The following DOCK5 variants were observed in gnomAD, a reference collection of about 807,000 sequenced individuals.
DOCK5 encodes the protein dedicator of cytokinesis protein 5.
Under a neutral mutation model 251.8 loss-of-function variants are expected in DOCK5, and 142 were observed. The ratio of observed to expected loss-of-function variants is 0.56; its 90% CI spans 0.49 to 0.65. The LOEUF (loss-of-function observed/expected upper bound fraction) is 0.65. DOCK5 is among the 30% of genes least tolerant of loss of function. The pLI, the probability that DOCK5 is intolerant of heterozygous loss-of-function variation, is 0.00. For synonymous variants in DOCK5, 842 were observed against 835.5 expected (o/e 1.01, Z -0.13); for missense variants, 2,111 against 2,312.3 (o/e 0.91, Z 1.79).
intron 2 of DOCK5, among the ~76,000 whole-genome samples, chr8:25,246,130 T>G (rs1279441717): frequency 2.0e-5 from 3 of 152,226 alleles, no homozygotes; most frequent in Non-Finnish European, 4.4e-5. Context: ...ACATGCTATG[T>G]CTTACTCTGT....
intron 25 of DOCK5, 168 bp from the exon 26 acceptor site, chr8:25,345,307 G>A (rs57067469): frequency 0.094 from 62,850 of 672,180 alleles, 3,269 homozygotes; most frequent in East Asian, 0.17. Context: ...GTAAAGTTCC[G>A]TGCCTAAAAC....
intron 18 of DOCK5, among the ~76,000 whole-genome samples, 185 bp downstream of exon 18, chr8:25,325,732 C>T (rs779831328): frequency 2.0e-5 from 3 of 152,164 alleles, no homozygotes; most frequent in African/African-American, 7.2e-5. Context: ...TGCACAGCCT[C>T]TTCTGAAGTT....
chr8:25,263,153 G>A (rs1803637589), intron 2 of DOCK5, among the ~76,000 whole-genome samples: 1 of 151,768 alleles, frequency 6.6e-6, no homozygotes, highest in Non-Finnish European at 1.5e-5. Flanking sequence ...AATATGTTGA[G>A]ACAAATAAGA....
chr8:25,310,512 T>G lies in DOCK5; in HGVS notation c.1298T>G (p.Phe433Cys). Residue 433 changes from phenylalanine (F) to cysteine (C), a missense_variant, in exon 13 of 52, where the codon TTT becomes TGT. By Grantham distance (205) the Phe-to-Cys change is radical. This residue lies in a region of DOCK5 where 1,717 missense variants were observed against 1,892.4 expected (regional missense o/e 0.91). Coordinates refer to ENST00000276440, the MANE Select transcript of DOCK5 (RefSeq NM_024940.8). ...ACAGCAATAGCCCGGAAGATGGGCT[T>G]TCCTGAAATCATACTGCCAGGTAAG... ...RSTAIARKMG[F>C]PEIILPGDVR... The G allele has an allele frequency of 6.2e-7, 1 of 1,612,080 alleles. No homozygotes were observed. Among genetic ancestry groups the G allele is most frequent in the Non-Finnish European group, 8.5e-7 (1 of 1,179,198 alleles).
At chr8:25,368,400 C>A in intron 32 of DOCK5, 150 bp downstream of exon 32, 1 of 1,077,782 alleles carries the variant, frequency 9.3e-7, no homozygotes, top group Admixed American at 2.7e-5. Flanking sequence ...GTTTCATTGA[C>A]AATGAACTGT....
intron 5 of DOCK5, among the ~76,000 whole-genome samples, chr8:25,284,448 T>C (rs1804280131): frequency 6.6e-6 from 1 of 152,228 alleles, no homozygotes; most frequent in Non-Finnish European, 1.5e-5. Flanking sequence ...ACTGTGGTTA[T>C]TCCCCATCTT....
At position 25,368,807 on chromosome 8, in the gene DOCK5, G is replaced by T. The variant is rs979944171; in HGVS notation, c.3438+82G>T. ...TCATTTCTTTCTATATAGAGAAGCAGTAACCTTAATAATGCAAGTCCATGT... is the reference window on the plus strand; with the variant it reads ...TCATTTCTTTCTATATAGAGAAGCATTAACCTTAATAATGCAAGTCCATGT... On this transcript the variant is annotated intron_variant, in intron 33 of 51. Transcript: ENST00000276440. 5 of 1,386,480 alleles carry T rather than the reference G, an allele frequency of 3.6e-6. No individual in the cohort carries two copies. In the South Asian group the frequency reaches 6.1e-5, roughly 17 times the overall value. The allele number at this position is 1,386,480 out of a possible 1,614,324, so 85.9% of individuals were successfully genotyped here.
At chr8:25,238,692 A>G (rs1251680678) in intron 1 of DOCK5, among the ~76,000 whole-genome samples, 1 of 152,190 alleles carries the variant, frequency 6.6e-6, no homozygotes, top group Non-Finnish European at 1.5e-5. Context: ...GTGATGGGAA[A>G]CCACAGCCTC....
At chr8:25,323,018 C>T (rs1805466686) in intron 16 of DOCK5, among the ~76,000 whole-genome samples, 1 of 152,184 alleles carries the variant, frequency 6.6e-6, no homozygotes, top group African/African-American at 2.4e-5. Context: ...GACTACTCCA[C>T]CACTGTGGGG....
chr8:25,336,413 G>C (rs1160590588), intron 22 of DOCK5, 40 bp downstream of exon 22: 4 of 1,602,410 alleles, frequency 2.5e-6, no homozygotes, highest in Non-Finnish European at 3.4e-6. Context: ...ATTATCAGCT[G>C]TCACTCTGTG....
intron 1 of DOCK5, among the ~76,000 whole-genome samples, chr8:25,190,775 GGTTTTT>G (rs1409164162): frequency 0.04 from 2,149 of 53,976 alleles, 107 homozygotes; most frequent in Non-Finnish European, 0.056. Flanking sequence ...CTTGGTCATG[GGTTTTT>G]TTTTTTTTTT....
rs1563208467 is a variant in DOCK5 at position 25,342,505 on chromosome 8, CAGGTA to C, written c.2617+1_2617+5del. 6.3e-7 allele frequency: 1 copy of C among 1,576,698 alleles called. No individual in the cohort carries two copies. The highest frequency in any genetic ancestry group is 1.3e-5 in the African/African-American group (1 of 74,144). ...GTAGAGAGCACTCTTTTTCGACAGT[CAGGTA>C]AGTCTCCTTCAAAACTTGCTGCATG... On this transcript the variant is annotated splice_donor_variant and splice_donor_region_variant and coding_sequence_variant and intron_variant, in exon 25 of 52. Coordinates refer to ENST00000276440, the MANE Select transcript of DOCK5 (RefSeq NM_024940.8). LOFTEE classifies it high-confidence loss of function.
At position 25,296,599 on chromosome 8, in the gene DOCK5, C is replaced by T; in HGVS notation, c.557C>T (p.Ala186Val). ...ACCAGCACCATTGCCCTCTTCAAGG[C>T]CCATGAGGTGGCCTCCAAAAGGATT... ...DETSTIALFK[A>V]HEVASKRIEE... Residue 186 changes from alanine (A) to valine (V), a missense_variant, in exon 7 of 52, where the codon GCC becomes GTC. Coordinates refer to ENST00000276440, the MANE Select transcript of DOCK5 (RefSeq NM_024940.8). 6.2e-7 allele frequency: 1 copy of T among 1,612,530 alleles called. No individual in the cohort carries two copies. Among genetic ancestry groups the T allele is most frequent in the Non-Finnish European group, 8.5e-7 (1 of 1,179,306 alleles).
chr8:25,362,066 A>G (rs571001314), intron 28 of DOCK5, among the ~76,000 whole-genome samples: 7 of 152,246 alleles, frequency 4.6e-5, no homozygotes, highest in African/African-American at 7.2e-5. Flanking sequence ...CCTTTGGAGC[A>G]GAAGAGCTCT....
At chr8:25,200,945 C>T (rs904028097) in intron 1 of DOCK5, among the ~76,000 whole-genome samples, 1 of 152,000 alleles carries the variant, frequency 6.6e-6, no homozygotes, top group Admixed American at 6.6e-5. Flanking sequence ...CTTGCTTTGT[C>T]ACTTAGGCTG....
At chr8:25,215,057 G>A (rs1409805917) in intron 1 of DOCK5, among the ~76,000 whole-genome samples, 2 of 152,166 alleles carry the variant, frequency 1.3e-5, no homozygotes, top group African/African-American at 2.4e-5. Context: ...GTGACTAGGG[G>A]CTGTGGGAAA....
chr8:25,225,347 T>C (rs1802501417), intron 1 of DOCK5, among the ~76,000 whole-genome samples: 1 of 152,130 alleles, frequency 6.6e-6, no homozygotes, highest in African/African-American at 2.4e-5. Flanking sequence ...AGCAACAAAA[T>C]TGTGTACAGA....
chr8:25,377,531 C>G, intron 38 of DOCK5, 107 bp downstream of exon 38: 1 of 1,373,460 alleles, frequency 7.3e-7, no homozygotes, highest in Non-Finnish European at 9.7e-7. Flanking sequence ...TACCCAGGTT[C>G]AGGGCACTGT....
intron 40 of DOCK5, among the ~76,000 whole-genome samples, chr8:25,387,336 G>A (rs563848866): frequency 1.2e-4 from 19 of 152,114 alleles, no homozygotes; most frequent in Admixed American, 9.2e-4. Flanking sequence ...GCACCATCAC[G>A]CCCAGTTAAT....
Sources: allele counts gnomAD v4.1 joint callset (sites outside exome capture counted in the v4.1 genomes callset), GRCh38; gene constraint gnomAD v4.1.1; regional missense constraint gnomAD v4.1.1; transcripts MANE v1.5; gene names NCBI Gene and HGNC (gene_info 2026-07-23, HGNC 2026-07-21).